Variants in OXNAD1 observed in about 807,000 individuals in gnomAD.
The protein encoded by OXNAD1 is oxidoreductase NAD-binding domain-containing protein 1.
A neutral mutation model predicts 32.9 loss-of-function variants in OXNAD1; 34 were observed. The observed-to-expected ratio is 1.03, with a 90% CI of 0.79 to 1.38. The LOEUF is 1.38. Among genes scored for constraint, OXNAD1 ranks in the 40% most tolerant of loss-of-function variants. The probability of loss-of-function intolerance (pLI) is 0.00; values close to 1 mark genes in which losing one functional copy is unlikely to be tolerated. For synonymous variants in OXNAD1, 134 were observed against 135.2 expected (o/e 0.99, Z 0.06); for missense variants, 407 against 379.4 (o/e 1.07, Z -0.60).
At chr3:16,337,725 A>G (rs1333070667), downstream of OXNAD1, among the ~76,000 whole-genome samples, 1 of 146,276 alleles carries the variant, frequency 6.8e-6, no homozygotes, top group East Asian at 2.0e-4. The surrounding 1 kb of genome is among the most constrained non-coding windows in gnomAD (Gnocchi z 5.0). Context: ...CTGGCGACAG[A>G]GCGAGACTCC....
In OXNAD1 at chr3:16,321,655, C is replaced by A. The variant is rs890229478; in HGVS notation, c.*31-15457C>A. On this transcript the variant is annotated intron_variant, in intron 9 of 9. Coordinates refer to the OXNAD1 transcript ENST00000435829. The surrounding 1 kb of genome is among the most constrained non-coding windows in gnomAD (Gnocchi z 4.8). ...GGTCTTGTGTAGAACAAGTGCTCCA[C>A]ACCAGTCACCTACAGTCTTGGAATG... 2.0e-5 allele frequency among the ~76,000 whole-genome samples: 3 copies of A among 152,074 alleles called. No individual in the cohort carries two copies. Among genetic ancestry groups the A allele is most frequent in the Non-Finnish European group, 2.9e-5 (2 of 67,994 alleles).
chr3:16,313,409 A>G (rs1370256279), intron 9 of OXNAD1, among the ~76,000 whole-genome samples: 1 of 152,006 alleles, frequency 6.6e-6, no homozygotes, highest in Non-Finnish European at 1.5e-5. Flanking sequence ...TGAAGCTTTT[A>G]TCAGACCTGC....
chr3:16,305,047 G>A lies in OXNAD1; in HGVS notation c.*1485G>A, dbSNP rs2067450650. The A allele has an allele frequency of 6.6e-6, 1 of 152,224 alleles. No individual in the cohort carries two copies. Among genetic ancestry groups the A allele is most frequent in the South Asian group, 2.1e-4 (1 of 4,820 alleles). The allele number at this position is 152,224 out of a possible 1,614,324, so 9.4% of individuals were successfully genotyped here. The stretch of plus-strand genomic sequence containing the variant: ...TGGTCATTAGTACCTCAGAGGTGAA[G>A]GGAATATGTGAAGCTCTGGATCACT... On this transcript the variant is annotated 3_prime_UTR_variant, in exon 9 of 9. Coordinates refer to ENST00000285083, the MANE Select transcript of OXNAD1 (RefSeq NM_138381.5). The surrounding 1 kb of genome is among the most constrained non-coding windows in gnomAD (Gnocchi z 4.5).
rs1005300920 is a variant in OXNAD1 at position 16,287,451 on chromosome 3, C to T, written c.290+1003C>T. Among the ~76,000 whole-genome samples, 1 of 152,218 alleles carries T rather than the reference C, an allele frequency of 6.6e-6. No individual in the cohort carries two copies. Among genetic ancestry groups the T allele is most frequent in the Non-Finnish European group, 1.5e-5 (1 of 68,040 alleles). Reference sequence around the variant, plus strand: ...GGTTTGTGAAGCAATTTACTGCAATCTTTGCACATGTTCGATGATACACAT... The same window carrying T: ...GGTTTGTGAAGCAATTTACTGCAATTTTTGCACATGTTCGATGATACACAT... On this transcript the variant is annotated intron_variant, in intron 5 of 8. Coordinates refer to ENST00000285083, the MANE Select transcript of OXNAD1 (RefSeq NM_138381.5). This position sits in a 1 kb window ranked among gnomAD's most constrained non-coding sequence, Gnocchi z 4.8.
In OXNAD1 at chr3:16,330,000, G is replaced by A. The variant is rs1042160819; in HGVS notation, c.*31-7112G>A. The stretch of plus-strand genomic sequence containing the variant: ...AAACCGGCTGCTTCTATTTTGCTCC[G>A]TTTTATTTCATTTTGTCACTCTCTT... On this transcript the variant is annotated intron_variant, in intron 9 of 9. Coordinates refer to the OXNAD1 transcript ENST00000435829. The surrounding 1 kb of genome is among the most constrained non-coding windows in gnomAD (Gnocchi z 4.5). Among the ~76,000 whole-genome samples, 4 of 152,104 alleles carry A rather than the reference G, an allele frequency of 2.6e-5. No homozygotes were observed. The highest frequency in any genetic ancestry group is 7.2e-5 in the African/African-American group (3 of 41,414).
At chr3:16,270,635 TC>T (rs2064857419) in intron 2 of OXNAD1, among the ~76,000 whole-genome samples, 1 of 152,196 alleles carries the variant, frequency 6.6e-6, no homozygotes, top group Admixed American at 6.5e-5. Context: ...TCTCCCCTCT[TC>T]TATAATAGCA....
Position 16,323,300 on chromosome 3 carries a change from C to T in OXNAD1, c.*31-13812C>T, listed in dbSNP as rs191046836. ...CTTGGAAGCTGGAGCAGGCTGCCCC[C>T]TCAAATGCTGCAGAAAATCCACTGA... is the stretch of plus-strand genomic sequence containing the variant. On this transcript the variant is annotated intron_variant, in intron 9 of 9. Transcript: ENST00000435829. 256 of 1,151,742 alleles carry T rather than the reference C, an allele frequency of 2.2e-4. No individual in the cohort carries two copies. The African/African-American group carries it at 3.5e-3, about 16-fold the overall frequency. The allele number at this position is 1,151,742 out of a possible 1,614,324, so 71.3% of individuals were successfully genotyped here. A position where few individuals can be genotyped will look rare whatever the true frequency, so the allele number is the denominator to read the frequency against.
At chr3:16,330,872 A>G (rs1393050225) in intron 9 of OXNAD1, among the ~76,000 whole-genome samples, 3 of 152,264 alleles carry the variant, frequency 2.0e-5, no homozygotes, top group Non-Finnish European at 1.5e-5. Context: ...TCTTCTATGC[A>G]GAGAAATAAT....
chr3:16,328,709 G>A (rs1423329722), intron 9 of OXNAD1, among the ~76,000 whole-genome samples: 1 of 152,178 alleles, frequency 6.6e-6, no homozygotes, highest in African/African-American at 2.4e-5. Flanking sequence ...CAGGAACTCC[G>A]GGAGTAGGGC....
At position 16,284,304 on chromosome 3, in the gene OXNAD1, A is replaced by G. The variant is rs927547075; in HGVS notation, c.184-2038A>G. 1.3e-5 allele frequency among the ~76,000 whole-genome samples: 2 copies of G among 152,346 alleles called. No individual in the cohort carries two copies. Among genetic ancestry groups the G allele is most frequent in the South Asian group, 2.1e-4 (1 of 4,828 alleles). On this transcript the variant is annotated intron_variant, in intron 4 of 8. Coordinates refer to ENST00000285083, the MANE Select transcript of OXNAD1 (RefSeq NM_138381.5). The surrounding 1 kb of genome is among the most constrained non-coding windows in gnomAD (Gnocchi z 4.1). The stretch of plus-strand genomic sequence containing the variant: ...ATGCTAATTAATTTTAATTAAGACA[A>G]TGAAATACAGTCATGTGTTGCCTGC...
At chr3:16,328,691 T>C (rs2069981206) in intron 9 of OXNAD1, among the ~76,000 whole-genome samples, 1 of 152,208 alleles carries the variant, frequency 6.6e-6, no homozygotes, top group Non-Finnish European at 1.5e-5. Context: ...ATCCCAGACC[T>C]GATGAATCAG....
At position 16,290,320 on chromosome 3, in the gene OXNAD1, A is replaced by G. The variant is rs1404256215; in HGVS notation, c.290+3872A>G. On this transcript the variant is annotated intron_variant, in intron 5 of 8. Transcript: ENST00000285083. The surrounding 1 kb of genome is among the most constrained non-coding windows in gnomAD (Gnocchi z 4.2). ...TGGACAGATGTTTTATGAAATATGT[A>G]TTGTGCATATTTTCTTAAATCCATT... Among the ~76,000 whole-genome samples, 1 of 152,182 alleles carries G rather than the reference A, an allele frequency of 6.6e-6. No individual in the cohort carries two copies. The highest frequency in any genetic ancestry group is 1.5e-5 in the Non-Finnish European group (1 of 68,022).
At position 16,316,835 on chromosome 3, in the gene OXNAD1, T is replaced by C. The variant is rs148120271; in HGVS notation, c.*30+13243T>C. 45 of 1,613,818 alleles carry C rather than the reference T, an allele frequency of 2.8e-5. No individual in the cohort carries two copies. In the African/African-American group the frequency reaches 5.7e-4, roughly 21 times the overall value. The stretch of plus-strand genomic sequence containing the variant: ...GCACAAATTGCCCAAGACTCAGTTT[T>C]CTTCAACCGTACCAAGCTCTCTGAC... On this transcript the variant is annotated intron_variant, in intron 9 of 9. Coordinates refer to the OXNAD1 transcript ENST00000435829. This position sits in a 1 kb window ranked among gnomAD's most constrained non-coding sequence, Gnocchi z 4.5.
Position 16,303,742 on chromosome 3 carries a change from C to G in OXNAD1, c.*180C>G. 1.7e-6 allele frequency: 1 copy of G among 584,336 alleles called. No individual in the cohort carries two copies. Among genetic ancestry groups the G allele is most frequent in the South Asian group, 2.9e-5 (1 of 34,522 alleles). 36.2% of individuals were successfully genotyped at this position (584,336 alleles called of 1,614,324 possible). ...GCAGACTTAAATGATAAACTTTTTG[C>G]AAAGACCTCAGTGATCAAACTATTT... is the stretch of plus-strand genomic sequence containing the variant. On this transcript the variant is annotated 3_prime_UTR_variant, in exon 9 of 9. Transcript: ENST00000285083. This position sits in a 1 kb window ranked among gnomAD's most constrained non-coding sequence, Gnocchi z 4.8.
At chr3:16,283,599 A>G (rs921312426) in intron 4 of OXNAD1, among the ~76,000 whole-genome samples, 11 of 152,020 alleles carry the variant, frequency 7.2e-5, no homozygotes, top group African/African-American at 2.4e-4. Flanking sequence ...ACTTATGGGG[A>G]GTGTTGATGT....
rs970609646 is a variant in OXNAD1 at position 16,348,117 on chromosome 3, C to G, written c.*31-1059C>G. On this transcript the variant is annotated intron_variant, in intron 9 of 9. Transcript: ENST00000606098. This position sits in a 1 kb window ranked among gnomAD's most constrained non-coding sequence, Gnocchi z 6.3. Reference sequence around the variant, plus strand: ...ACACTCCTCTGTCATCGACGAGGACCACCTCGGAGCACTTGTGGCTCTTGT... The same window carrying G: ...ACACTCCTCTGTCATCGACGAGGACGACCTCGGAGCACTTGTGGCTCTTGT... The G allele has an allele frequency of 6.6e-6, 1 of 150,988 alleles. No homozygotes were observed. Among genetic ancestry groups the G allele is most frequent in the Non-Finnish European group, 1.5e-5 (1 of 68,048 alleles). The allele number at this position is 150,988 out of a possible 1,614,324, so 9.4% of individuals were successfully genotyped here.
At chr3:16,330,947 C>T (rs747900351) in intron 9 of OXNAD1, among the ~76,000 whole-genome samples, 21 of 152,196 alleles carry the variant, frequency 1.4e-4, no homozygotes, top group Admixed American at 2.0e-4. Flanking sequence ...CTCTTCTTTT[C>T]TCCTGTGTTT....
At chr3:16,349,045 A>T (rs2071918846) in intron 9 of OXNAD1, 1 of 152,228 alleles carries the variant, frequency 6.6e-6, no homozygotes, top group Admixed American at 6.5e-5. Context: ...GGACTCAATA[A>T]TCAGATCATG....
chr3:16,305,425 G>A lies in OXNAD1; in HGVS notation c.*1863G>A, dbSNP rs947868190. 1 of 152,310 alleles carries A rather than the reference G, an allele frequency of 6.6e-6. No individual in the cohort carries two copies. Among genetic ancestry groups the A allele is most frequent in the Non-Finnish European group, 1.5e-5 (1 of 68,082 alleles). The allele number at this position is 152,310 out of a possible 1,614,324, so 9.4% of individuals were successfully genotyped here. The stretch of plus-strand genomic sequence containing the variant: ...TGCCTGCCACCCTGTTGCTGACTCA[G>A]TATTGGCAGAATTGCTGAGATGGGC... On this transcript the variant is annotated 3_prime_UTR_variant, in exon 9 of 9. Transcript: ENST00000285083. This position sits in a 1 kb window ranked among gnomAD's most constrained non-coding sequence, Gnocchi z 4.5.
Sources: gnomAD v4.1 joint callset for allele counts (sites outside exome capture counted in the v4.1 genomes callset) on GRCh38, gnomAD v4.1.1 for gene constraint, Gnocchi (gnomAD v3.1) non-coding constraint, MANE v1.5 for transcripts, NCBI Gene and HGNC (gene_info 2026-07-23, HGNC 2026-07-21) for gene names.